DST: variants seen among roughly 807,000 people sequenced by gnomAD.
DST encodes dystonin.
DST carries 253 observed loss-of-function variants against 875.2 expected under a neutral mutation model. That is an observed-to-expected ratio of 0.29 (90% confidence interval 0.26 to 0.32). The LOEUF is 0.32. Ranked by LOEUF, DST falls within the 10% of genes least tolerant of loss-of-function variation. DST has a pLI of 1.00. For synonymous variants in DST, 3,124 were observed against 3,197.1 expected, an observed-to-expected ratio of 0.98 and a Z score of 0.77; for missense variants, 8,287 against 9,111.6, an observed-to-expected ratio of 0.91 and a Z score of 3.68.
intron 50 of DST, among the ~76,000 whole-genome samples, chr6:56,574,627 T>G (rs888433154): frequency 1.3e-5 from 2 of 152,128 alleles, no homozygotes; most frequent in African/African-American, 4.8e-5. Context: ...TATCTTCAAT[T>G]CTAAAGATTC....
chr6:56,462,401 T>G (rs951137220), intron 102 of DST, among the ~76,000 whole-genome samples: 10 of 152,170 alleles, frequency 6.6e-5, no homozygotes, highest in African/African-American at 2.4e-4. Flanking sequence ...CTTAAATTAG[T>G]TATTAAAATC....
At chr6:56,622,330 G>A (rs2098697055) in intron 36 of DST, among the ~76,000 whole-genome samples, 1 of 152,072 alleles carries the variant, frequency 6.6e-6, no homozygotes, top group Non-Finnish European at 1.5e-5. Flanking sequence ...CAGCACTTTG[G>A]GAACCCAAGG....
At chr6:56,919,967 G>GAT (rs963068504) in intron 2 of DST, among the ~76,000 whole-genome samples, 17 of 152,040 alleles carry the variant, frequency 1.1e-4, no homozygotes, top group Admixed American at 3.9e-4. Flanking sequence ...AAAAAAGAAG[G>GAT]ATATATATAT....
At chr6:56,806,382 G>A (rs1412432625) in intron 4 of DST, among the ~76,000 whole-genome samples, 1 of 152,154 alleles carries the variant, frequency 6.6e-6, no homozygotes, top group East Asian at 1.9e-4. Flanking sequence ...CATACAAAAA[G>A]AGCAAAATCT....
chr6:56,874,657 T>C (rs1778865546), intron 3 of DST, among the ~76,000 whole-genome samples: 1 of 152,222 alleles, frequency 6.6e-6, no homozygotes, highest in Non-Finnish European at 1.5e-5. Flanking sequence ...GTTCTTAAAC[T>C]CCAAATTCTG....
intron 10 of DST, among the ~76,000 whole-genome samples, chr6:56,666,999 T>TA (rs946793600): frequency 6.6e-4 from 96 of 145,504 alleles, no homozygotes; most frequent in Admixed American, 8.2e-4. Flanking sequence ...AGTAGAGAAT[T>TA]AAAAAAAAAA....
At chr6:56,907,979 A>G (rs567073688) in intron 2 of DST, among the ~76,000 whole-genome samples, 44 of 152,294 alleles carry the variant, frequency 2.9e-4, no homozygotes, top group African/African-American at 9.9e-4. Context: ...CTGAGGCACA[A>G]GAATTGCTTG....
Position 56,609,016 on chromosome 6 carries a change from T to C in DST, c.5612A>G (p.Lys1871Arg). 1 of 1,613,876 alleles carries C rather than the reference T, an allele frequency of 6.2e-7. No individual in the cohort carries two copies. The highest frequency in any genetic ancestry group is 1.3e-5 in the African/African-American group (1 of 75,040). ...QSMITESMAI[K>R]VLEILLSTGS... is the part of the protein sequence containing the mutation. ...TGTAGAAAGCAGTATCTCAAGAACT[T>C]TGATGGCCATGGATTCTGTTATCAT... Residue 1871 changes from lysine to arginine, a missense_variant, in exon 40 of 104, where the codon AAA (lysine) becomes AGA (arginine). Around this residue, in one of 10 missense-constraint regions of DST, gnomAD observed 3,138 missense variants for 3,116.6 expected, o/e 1.01. Transcript: ENST00000680361.
chr6:56,787,851 C>G (rs34612783), intron 4 of DST, among the ~76,000 whole-genome samples: 18,594 of 151,914 alleles, frequency 0.12, 1,577 homozygotes, highest in Non-Finnish European at 0.19. Flanking sequence ...CAAAATCAGA[C>G]TTTGAGGCTG....
intron 80 of DST, among the ~76,000 whole-genome samples, chr6:56,500,109 T>C (rs375760709): frequency 2.6e-5 from 4 of 152,214 alleles, no homozygotes; most frequent in South Asian, 4.1e-4. Context: ...AAAGCAAGAA[T>C]AGTCAAAAAC....
At chr6:56,596,473 T>C (rs1270647158) in intron 47 of DST, among the ~76,000 whole-genome samples, 2 of 152,238 alleles carry the variant, frequency 1.3e-5, no homozygotes, top group Non-Finnish European at 2.9e-5. Flanking sequence ...CTCACTACTT[T>C]GGTCAACTTA....
At position 56,633,033 on chromosome 6, in the gene DST, T is replaced by G. The variant is rs746565155; in HGVS notation, c.3626A>C (p.Lys1209Thr). The G allele has an allele frequency of 6.2e-7, 1 of 1,613,676 alleles. No homozygotes were observed. The highest frequency in any genetic ancestry group is 8.5e-7 in the Non-Finnish European group (1 of 1,179,740). ...RIRASNVASI[K>T]TMLPGEHQQV... Reference sequence around the variant, plus strand: ...CTGATGTTCACCAGGTAGCATTGTCTTTATCTAAAGAAGACCAAAGACCCA... The same window carrying G: ...CTGATGTTCACCAGGTAGCATTGTCGTTATCTAAAGAAGACCAAAGACCCA... Residue 1209 changes from lysine (K) to threonine (T), a missense_variant, in exon 28 of 104, where the codon AAG (lysine) becomes ACG (threonine). Coordinates refer to ENST00000680361, the MANE Select transcript of DST (RefSeq NM_001374736.1).
rs1261342458 is a variant in DST at position 56,625,264 on chromosome 6, C to A, written c.4723G>T (p.Asp1575Tyr). ...YAEQYSATVK[D>Y]YELQTMTYRA... ...TAGGTCATTGTTTGTAATTCATAGTCCTGTATAAAGGAGTCAATAAGATAA... is the reference window on the plus strand; with the variant it reads ...TAGGTCATTGTTTGTAATTCATAGTACTGTATAAAGGAGTCAATAAGATAA... The change falls in exon 35 of 104, where the codon GAC becomes TAC. Residue 1575 changes from aspartate (D) to tyrosine (Y), a missense_variant and splice_region_variant. Transcript: ENST00000680361. The A allele has an allele frequency of 4.4e-6, 7 of 1,600,384 alleles. No homozygotes were observed. Among genetic ancestry groups the A allele is most frequent in the Admixed American group, 1.7e-5 (1 of 59,948 alleles).
chr6:56,621,330 A>G (rs1425688567), intron 36 of DST, among the ~76,000 whole-genome samples: 1 of 152,220 alleles, frequency 6.6e-6, no homozygotes, highest in Non-Finnish European at 1.5e-5. Context: ...AAAAACTTGA[A>G]ATTTCTAAAG....
chr6:56,616,411 C>T (rs767589940), intron 36 of DST: 3 of 1,613,986 alleles, frequency 1.9e-6, no homozygotes, highest in South Asian at 2.2e-5. Flanking sequence ...AAGCCTCATA[C>T]ACGGTCAATT....
chr6:56,567,987 T>C (rs2097711276), intron 55 of DST, among the ~76,000 whole-genome samples: 1 of 152,190 alleles, frequency 6.6e-6, no homozygotes, highest in African/African-American at 2.4e-5. Context: ...ATAATTGTTT[T>C]CTTTGGGAAT....
chr6:56,655,150 G>T lies in DST; in HGVS notation c.1215-3906C>A, dbSNP rs545118838. Among the ~76,000 whole-genome samples the T allele has an allele frequency of 1.1e-4, 14 of 123,616 alleles. No individual in the cohort carries two copies. The South Asian group carries it at 2.6e-3, about 23-fold the overall frequency. 81.1% of individuals were successfully genotyped at this position (123,616 alleles called of 152,430 possible). On this transcript the variant is annotated intron_variant, in intron 10 of 103. Transcript: ENST00000680361. ...CATCCCAGCCTGGGTGACAGAGCGA[G>T]ACTTTGCCTCAAAAAAAAAAAAAAA... is the stretch of plus-strand genomic sequence containing the variant.
At position 56,761,945 on chromosome 6, in the gene DST, C is replaced by T. The variant is rs559413342; in HGVS notation, c.626-26656G>A. On this transcript the variant is annotated intron_variant, in intron 4 of 103. Coordinates refer to ENST00000680361, the MANE Select transcript of DST (RefSeq NM_001374736.1). ...GCACCTTATAGCTGAGTATCCAAAACCCCAAAAGCAATTTCTATTAGTTAA... is the reference window on the plus strand; with the variant it reads ...GCACCTTATAGCTGAGTATCCAAAATCCCAAAAGCAATTTCTATTAGTTAA... Among the ~76,000 whole-genome samples the T allele has an allele frequency of 1.6e-4, 25 of 152,274 alleles. 1 individual carries two copies. In the South Asian group the frequency reaches 5.2e-3, roughly 32 times the overall value.
At chr6:56,755,205 A>G (rs977244507) in intron 4 of DST, among the ~76,000 whole-genome samples, 1 of 151,826 alleles carries the variant, frequency 6.6e-6, no homozygotes, top group African/African-American at 2.4e-5. Flanking sequence ...AGGGACTGAG[A>G]GAAGAGTTAC....
Sources: allele counts gnomAD v4.1 joint callset (sites outside exome capture counted in the v4.1 genomes callset), GRCh38; gene constraint gnomAD v4.1.1; regional missense constraint gnomAD v4.1.1; transcripts MANE v1.5; gene names NCBI Gene and HGNC (gene_info 2026-07-23, HGNC 2026-07-21).